Variants in PRKDC observed in about 807,000 individuals in gnomAD.
PRKDC encodes the protein protein kinase, DNA-activated, catalytic subunit, also known as DNA-dependent protein kinase catalytic subunit.
A neutral mutation model predicts 486.9 loss-of-function variants in PRKDC; 82 were observed. The observed-to-expected ratio is 0.17, with a 90% CI of 0.14 to 0.20. The LOEUF (loss-of-function observed/expected upper bound fraction) is 0.20, where lower values mean the gene tolerates loss of function less well. PRKDC is among the 10% of genes least tolerant of loss of function. The pLI, the probability that PRKDC is intolerant of heterozygous loss-of-function variation, is 1.00. For missense variants in PRKDC, 4,504 were observed against 5,038.2 expected (o/e 0.89, Z 3.21); for synonymous variants, 1,895 against 1,837.0 (o/e 1.03, Z -0.81).
intron 84 of PRKDC, among the ~76,000 whole-genome samples, chr8:47,777,269 C>T (rs189320475): frequency 3.9e-5 from 6 of 151,916 alleles, no homozygotes; most frequent in African/African-American, 1.2e-4. Flanking sequence ...AGTGCAGTGG[C>T]GTGATCTCGG....
chr8:47,785,122 C>G lies in PRKDC; in HGVS notation c.11098G>C (p.Glu3700Gln). The change falls in exon 77 of 86, where the codon GAG becomes CAG. Residue 3700 changes from glutamate (E) to glutamine (Q), a missense_variant. Glu to Gln is a conservative substitution (Grantham distance 29, BLOSUM62 2). Around this residue, in one of 6 missense-constraint regions of PRKDC, gnomAD observed 706 missense variants for 945.0 expected, o/e 0.75. Transcript: ENST00000314191. Reference sequence around the variant, plus strand: ...CTGGAGGTTAACTCACCGGGAATCTCCAGCTCATTTCTCAGGAACTCCACT... The same window carrying G: ...CTGGAGGTTAACTCACCGGGAATCTGCAGCTCATTTCTCAGGAACTCCACT... ...FKVEFLRNEL[E>Q]IPGQYDGRGK... The G allele has an allele frequency of 6.2e-7, 1 of 1,613,982 alleles. No homozygotes were observed. Among genetic ancestry groups the G allele is most frequent in the South Asian group, 1.1e-5 (1 of 91,078 alleles).
intron 40 of PRKDC, among the ~76,000 whole-genome samples, chr8:47,874,437 C>T (rs757447786): frequency 3.5e-4 from 54 of 152,170 alleles, no homozygotes; most frequent in Middle Eastern, 3.4e-3. Context: ...AATATATGCA[C>T]CTATGTACCA....
intron 25 of PRKDC, among the ~76,000 whole-genome samples, chr8:47,905,611 A>G (rs1230884167): frequency 6.6e-6 from 1 of 152,180 alleles, no homozygotes; most frequent in Non-Finnish European, 1.5e-5. Flanking sequence ...AAACCCAATC[A>G]ATGTCCTATA....
At chr8:47,873,196 A>G (rs966672784) in intron 40 of PRKDC, among the ~76,000 whole-genome samples, 7 of 148,184 alleles carry the variant, frequency 4.7e-5, no homozygotes, top group Admixed American at 4.1e-4. Context: ...AGGTATACAC[A>G]CAGCCTGGGT....
intron 36 of PRKDC, 74 bp downstream of exon 36, chr8:47,885,870 C>T (rs1464370256): frequency 1.7e-5 from 25 of 1,457,308 alleles, no homozygotes; most frequent in African/African-American, 2.8e-5. Flanking sequence ...CCAGCCTGGG[C>T]GAAAGTGCAA....
chr8:47,918,428 T>C (rs749275518), intron 21 of PRKDC, 45 bp from the exon 22 acceptor site: 2 of 1,201,578 alleles, frequency 1.7e-6, no homozygotes, highest in Non-Finnish European at 2.3e-6. Flanking sequence ...CACTCATTCA[T>C]TCATTTAATG....
At chr8:47,824,607 T>A (rs1224301273) in intron 63 of PRKDC, among the ~76,000 whole-genome samples, 1 of 152,002 alleles carries the variant, frequency 6.6e-6, no homozygotes, top group Non-Finnish European at 1.5e-5. Flanking sequence ...AATCCTTGTC[T>A]AGCTCCAAAA....
chr8:47,836,274 G>T, intron 58 of PRKDC, 64 bp downstream of exon 58: 2 of 1,375,428 alleles, frequency 1.5e-6, no homozygotes, highest in South Asian at 2.1e-5. Context: ...ACACTGTTGT[G>T]ACAGAAGCTG....
At position 47,953,715 on chromosome 8, in the gene PRKDC, G is replaced by A. The variant is rs961172863; in HGVS notation, c.626C>T (p.Thr209Ile). 3 of 1,610,640 alleles carry A rather than the reference G, an allele frequency of 1.9e-6. No homozygotes were observed. The African/African-American group carries it at 4.0e-5, about 22-fold the overall frequency. Reference sequence around the variant, plus strand: ...TAGTTTGGGCTCTCTTACTGCTGATGTCATCTAAAAGAAAAGATTTAAGAA... The same window carrying A: ...TAGTTTGGGCTCTCTTACTGCTGATATCATCTAAAAGAAAAGATTTAAGAA... ...AFLGELKTQM[T>I]SAVREPKLPV... The change falls in exon 7 of 86, where the codon ACA becomes ATA. Residue 209 changes from threonine to isoleucine, a missense_variant. By Grantham distance (89) the Thr-to-Ile change is moderately conservative (BLOSUM62 -1). Around this residue, in one of 6 missense-constraint regions of PRKDC, gnomAD observed 1,969 missense variants for 2,068.9 expected, o/e 0.95. Transcript: ENST00000314191.
chr8:47,775,693 G>A (rs1244224355), intron 85 of PRKDC, among the ~76,000 whole-genome samples: 1 of 152,028 alleles, frequency 6.6e-6, no homozygotes, highest in Non-Finnish European at 1.5e-5. Flanking sequence ...ACTCTGTGAA[G>A]CACAAAATTG....
intron 72 of PRKDC, among the ~76,000 whole-genome samples, chr8:47,798,652 T>C (rs2087030870): frequency 6.6e-6 from 1 of 152,012 alleles, no homozygotes; most frequent in Non-Finnish European, 1.5e-5. Context: ...GGGCAACTGG[T>C]GGTTATTGAA....
intron 14 of PRKDC, among the ~76,000 whole-genome samples, chr8:47,934,403 CGGTCG>C (rs2090311295): frequency 6.6e-6 from 1 of 152,106 alleles, no homozygotes; most frequent in Non-Finnish European, 1.5e-5. Flanking sequence ...GGCAAGGTGG[CGGTCG>C]CCTGTAATAC....
chr8:47,788,217 G>A (rs2086823205), intron 76 of PRKDC, among the ~76,000 whole-genome samples: 1 of 152,252 alleles, frequency 6.6e-6, no homozygotes, highest in Non-Finnish European at 1.5e-5. Flanking sequence ...TGCGTGGGGA[G>A]GGTTGGGAAA....
chr8:47,794,260 T>A (rs1192139444), intron 74 of PRKDC, 30 bp downstream of exon 74: 2 of 1,551,922 alleles, frequency 1.3e-6, no homozygotes, highest in Admixed American at 3.6e-5. Flanking sequence ...TAGTATTTGA[T>A]CAACCTATTC....
intron 67 of PRKDC, among the ~76,000 whole-genome samples, chr8:47,818,985 G>A (rs1483157664): frequency 6.6e-6 from 1 of 152,090 alleles, no homozygotes; most frequent in Non-Finnish European, 1.5e-5. Flanking sequence ...TTCAAGCCAG[G>A]GCACCCAGAG....
Position 47,812,060 on chromosome 8 carries a change from GTATAAT to G in PRKDC, c.9558-4740_9558-4735del, listed in dbSNP as rs565487944. On this transcript the variant is annotated intron_variant, in intron 68 of 85. Coordinates refer to ENST00000314191, the MANE Select transcript of PRKDC (RefSeq NM_006904.7). ...CTGCACATGTATCCCAGAACTTAATGTATAATAAAAATAATTTCATTAGGAAGACAG... is the reference window on the plus strand; with the variant it reads ...CTGCACATGTATCCCAGAACTTAATGAAAAATAATTTCATTAGGAAGACAG... Among the ~76,000 whole-genome samples, 7 of 152,290 alleles carry G rather than the reference GTATAAT, an allele frequency of 4.6e-5. No homozygotes were observed. The South Asian group carries it at 1.2e-3, about 27-fold the overall frequency.
At chr8:47,774,522 T>C (rs377565022) in intron 85 of PRKDC, 145 bp from the exon 86 acceptor site, 4 of 796,624 alleles carry the variant, frequency 5.0e-6, no homozygotes, top group African/African-American at 1.7e-5. Flanking sequence ...AGTCAAAGAC[T>C]GGATTTGTAG....
At chr8:47,862,203 GC>G in intron 43 of PRKDC, 76 bp from the exon 44 acceptor site, 1 of 1,415,960 alleles carries the variant, frequency 7.1e-7, no homozygotes, top group Non-Finnish European at 9.7e-7. Flanking sequence ...TAGAATTAAT[GC>G]TATGTAATAG....
At chr8:47,910,125 T>C (rs900611700) in intron 25 of PRKDC, among the ~76,000 whole-genome samples, 1 of 152,174 alleles carries the variant, frequency 6.6e-6, no homozygotes, top group Non-Finnish European at 1.5e-5. Flanking sequence ...TTCTCTTTAT[T>C]TCTCAGACCG....
Sources: allele counts gnomAD v4.1 joint callset (sites outside exome capture counted in the v4.1 genomes callset), GRCh38; gene constraint gnomAD v4.1.1; regional missense constraint gnomAD v4.1.1; transcripts MANE v1.5; gene names NCBI Gene and HGNC (gene_info 2026-07-23, HGNC 2026-07-21).